RAPGEF2: variants seen among roughly 807,000 people sequenced by gnomAD.
The protein encoded by RAPGEF2 is Rap guanine nucleotide exchange factor 2, also known as PDZ domain containing guanine nucleotide exchange factor (GEF) 1.
RAPGEF2 carries 54 observed loss-of-function variants against 186.7 expected under a neutral mutation model. The ratio of observed to expected loss-of-function variants is 0.29; its 90% CI spans 0.23 to 0.36. The LOEUF (loss-of-function observed/expected upper bound fraction) is 0.36, where lower values mean the gene tolerates loss of function less well. RAPGEF2 is among the 10% of genes least tolerant of loss of function. RAPGEF2 has a pLI of 1.00. For synonymous variants in RAPGEF2, 712 were observed against 705.9 expected, an observed-to-expected ratio of 1.01 and a Z score of -0.14; for missense variants, 1,532 against 2,045.0, an observed-to-expected ratio of 0.75 and a Z score of 4.84.
At chr4:159,121,258 A>G (rs997412001) in intron 1 of RAPGEF2, among the ~76,000 whole-genome samples, 1 of 152,152 alleles carries the variant, frequency 6.6e-6, no homozygotes, top group Admixed American at 6.5e-5. Flanking sequence ...TGGTACAGGG[A>G]AAAATGTACA....
chr4:159,144,724 G>A (rs914236526), intron 1 of RAPGEF2, among the ~76,000 whole-genome samples: 2 of 152,126 alleles, frequency 1.3e-5, no homozygotes, highest in African/African-American at 2.4e-5. Flanking sequence ...ATAAGTAACA[G>A]CATTGCTGTT....
At chr4:159,265,605 G>A (rs1207702335) in intron 7 of RAPGEF2, among the ~76,000 whole-genome samples, 1 of 152,160 alleles carries the variant, frequency 6.6e-6, no homozygotes, top group Non-Finnish European at 1.5e-5. Flanking sequence ...TTTATGCCAG[G>A]AGCAGTGGGA....
At position 159,269,309 on chromosome 4, in the gene RAPGEF2, C is replaced by T. The variant is rs538672692; in HGVS notation, c.543+25518C>T. ...TGTCTCACCTCAGGAATGAGCCATGCGAGCTGCGCTTAAGGCAGCGGCTGT... is the reference window on the plus strand; with the variant it reads ...TGTCTCACCTCAGGAATGAGCCATGTGAGCTGCGCTTAAGGCAGCGGCTGT... On this transcript the variant is annotated intron_variant, in intron 7 of 29. Transcript: ENST00000691494. 5.9e-5 allele frequency among the ~76,000 whole-genome samples: 9 copies of T among 152,228 alleles called. No individual in the cohort carries two copies. In the South Asian group the frequency reaches 1.5e-3, roughly 25 times the overall value.
intron 1 of RAPGEF2, among the ~76,000 whole-genome samples, chr4:159,113,900 A>T (rs577554739): frequency 6.6e-6 from 1 of 152,218 alleles, no homozygotes; most frequent in East Asian, 1.9e-4. Context: ...GAAAGCACAC[A>T]CACACATAAT....
At chr4:159,178,177 A>C (rs1746636005) in intron 1 of RAPGEF2, among the ~76,000 whole-genome samples, 1 of 152,198 alleles carries the variant, frequency 6.6e-6, no homozygotes, top group South Asian at 2.1e-4. Context: ...AAGGAAAAAG[A>C]TATGTCTTTT....
chr4:159,344,038 A>G lies in RAPGEF2; in HGVS notation c.3257A>G (p.Lys1086Arg). 1 of 1,535,482 alleles carries G rather than the reference A, an allele frequency of 6.5e-7. No individual in the cohort carries two copies. The highest frequency in any genetic ancestry group is 9.0e-7 in the Non-Finnish European group (1 of 1,108,552). Residue 1086 changes from lysine to arginine, a missense_variant and splice_region_variant, in exon 23 of 30, where the codon AAG (lysine) becomes AGG (arginine). Lys to Arg is a conservative substitution (Grantham distance 26). This residue lies in a region of RAPGEF2 where 117 missense variants were observed against 180.8 expected (regional missense o/e 0.65). Transcript: ENST00000691494. ...MDPALMFRTR[K>R]KKWRSLGSLS... ...ATCTCCATGGCTCTCACTTACAGGA[A>G]GAAGAAATGGCGGAGTTTGGGGTAA...
chr4:159,342,551 ATATTATTTTATTTTATTTTATTTTATT>A (rs1561316658), intron 20 of RAPGEF2, among the ~76,000 whole-genome samples: 10 of 103,074 alleles, frequency 9.7e-5, no homozygotes, highest in African/African-American at 3.2e-4. Flanking sequence ...ATTTTATTTT[ATATTATTTTATTTTATTTTATTTTATT>A]TTATTTTATT....
intron 7 of RAPGEF2, among the ~76,000 whole-genome samples, chr4:159,274,050 C>T (rs1405995508): frequency 6.6e-6 from 1 of 152,198 alleles, no homozygotes; most frequent in African/African-American, 2.4e-5. Flanking sequence ...CCTTGGCCTC[C>T]CGAAGTGCTA....
At chr4:159,208,918 T>G (rs544343250) in intron 3 of RAPGEF2, among the ~76,000 whole-genome samples, 1 of 151,762 alleles carries the variant, frequency 6.6e-6, no homozygotes, top group South Asian at 2.1e-4. Flanking sequence ...AGACAGAGTC[T>G]CTCGCCATGG....
chr4:159,242,580 A>G (rs1400092818), intron 6 of RAPGEF2, among the ~76,000 whole-genome samples: 2 of 152,046 alleles, frequency 1.3e-5, no homozygotes, highest in East Asian at 3.8e-4. Context: ...TTTTAGTTTA[A>G]CATGGATTTC....
intron 4 of RAPGEF2, among the ~76,000 whole-genome samples, chr4:159,220,029 T>C (rs573970956): frequency 1.3e-5 from 2 of 152,190 alleles, no homozygotes; most frequent in Non-Finnish European, 2.9e-5. Context: ...TGCAGGGACA[T>C]TCAGTAATGA....
At chr4:159,214,225 G>A (rs1029024558) in intron 4 of RAPGEF2, among the ~76,000 whole-genome samples, 3 of 152,178 alleles carry the variant, frequency 2.0e-5, no homozygotes, top group African/African-American at 7.2e-5. Flanking sequence ...TGTGGACACT[G>A]TTGTAAGGTT....
At position 159,217,682 on chromosome 4, in the gene RAPGEF2, A is replaced by G. The variant is rs946316875; in HGVS notation, c.281+7099A>G. Among the ~76,000 whole-genome samples the G allele has an allele frequency of 2.0e-5, 3 of 152,304 alleles. No individual in the cohort carries two copies. In the South Asian group the frequency reaches 6.2e-4, roughly 32 times the overall value. ...CTTTGGTTATATACCCAGTAATGGG[A>G]TGGCTGGGTCAAATGGCAGTTCTAT... On this transcript the variant is annotated intron_variant, in intron 4 of 29. Coordinates refer to ENST00000691494, the MANE Select transcript of RAPGEF2 (RefSeq NM_001394067.2).
At chr4:159,290,808 T>C (rs1265643557) in intron 7 of RAPGEF2, among the ~76,000 whole-genome samples, 1 of 152,096 alleles carries the variant, frequency 6.6e-6, no homozygotes, top group Non-Finnish European at 1.5e-5. Context: ...TCTTGCAGTT[T>C]ATGAGTATAT....
intron 9 of RAPGEF2, among the ~76,000 whole-genome samples, chr4:159,319,995 A>G (rs889307184): frequency 2.4e-4 from 37 of 152,220 alleles, no homozygotes; most frequent in Non-Finnish European, 4.7e-4. Context: ...CAGATACTAA[A>G]TTCAAAACAT....
At chr4:159,118,356 T>C (rs1739281100) in intron 1 of RAPGEF2, among the ~76,000 whole-genome samples, 1 of 152,204 alleles carries the variant, frequency 6.6e-6, no homozygotes, top group South Asian at 2.1e-4. Context: ...ATCCCCTAGT[T>C]GCAGGAAAAC....
At chr4:159,124,649 A>G (rs556744396) in intron 1 of RAPGEF2, among the ~76,000 whole-genome samples, 3 of 152,264 alleles carry the variant, frequency 2.0e-5, no homozygotes, top group African/African-American at 7.2e-5. Flanking sequence ...TATCCAGCCT[A>G]GTTTCCCTGT....
chr4:159,354,673 TTCCTC>T (rs1731697350), intron 28 of RAPGEF2, among the ~76,000 whole-genome samples: 1 of 152,232 alleles, frequency 6.6e-6, no homozygotes, highest in Admixed American at 6.5e-5. Context: ...CAGTGCCTGT[TTCCTC>T]ATCTGTAAAA....
chr4:159,330,756 A>T, intron 13 of RAPGEF2: 3 of 372,214 alleles, frequency 8.1e-6, no homozygotes, highest in Non-Finnish European at 9.5e-6. Flanking sequence ...ATGTTTAAAC[A>T]TTTTTTTAAG....
Sources: gnomAD v4.1 joint callset for allele counts (sites outside exome capture counted in the v4.1 genomes callset) on GRCh38, gnomAD v4.1.1 for gene constraint, gnomAD v4.1.1 regional missense constraint, MANE v1.5 for transcripts, NCBI Gene and HGNC (gene_info 2026-07-23, HGNC 2026-07-21) for gene names.